Variants in RAB38 observed in about 807,000 individuals in gnomAD.
RAB38 encodes the protein ras-related protein Rab-38.
In RAB38, 15 loss-of-function variants were observed where a neutral mutation model predicts 18.4. The ratio of observed to expected loss-of-function variants is 0.82; its 90% confidence interval spans 0.55 to 1.26. The LOEUF (loss-of-function observed/expected upper bound fraction) is 1.26, where lower values mean the gene tolerates loss of function less well. Among genes scored for constraint, RAB38 ranks in the 50% most tolerant of loss-of-function variants. The probability of loss-of-function intolerance (pLI) is 0.00; values close to 1 mark genes in which losing one functional copy is unlikely to be tolerated. For missense variants in RAB38, 294 were observed against 267.4 expected (o/e 1.10, Z -0.69); for synonymous variants, 101 against 104.4 (o/e 0.97, Z 0.20).
At chr11:87,926,274 C>A in the RAB38 span, among the ~76,000 whole-genome samples, 1 of 151,852 alleles carries the variant, frequency 6.6e-6, no homozygotes, top group Non-Finnish European at 1.5e-5. Flanking sequence ...ACCTATGTTC[C>A]TGACTGAATT....
Position 88,113,636 on chromosome 11 carries a change from A to G in RAB38, c.*352T>C. On this transcript the variant is annotated 3_prime_UTR_variant, in exon 3 of 3. Transcript: ENST00000243662. ...AGGGCAAGGTGAAAGCCAGTCCTTG[A>G]CTTGACAGCTAGTTTGTTCTTCTCC... 1 of 196,958 alleles carries G rather than the reference A, an allele frequency of 5.1e-6. No individual in the cohort carries two copies. The allele number at this position is 196,958 out of a possible 1,614,324, so 12.2% of individuals were successfully genotyped here. A position where few individuals can be genotyped will look rare whatever the true frequency, so the allele number is the denominator to read the frequency against.
chr11:87,927,816 C>T, the RAB38 span, among the ~76,000 whole-genome samples: 3 of 152,116 alleles, frequency 2.0e-5, no homozygotes, highest in East Asian at 1.9e-4. Flanking sequence ...CCTATAATCC[C>T]AGCACTTTAG....
intron 2 of RAB38, among the ~76,000 whole-genome samples, chr11:88,140,933 G>A (rs899145115): frequency 6.6e-6 from 1 of 152,116 alleles, no homozygotes; most frequent in African/African-American, 2.4e-5. Flanking sequence ...GATATGTTGG[G>A]TTTGAGGAGT....
intron 1 of RAB38, among the ~76,000 whole-genome samples, chr11:88,150,985 A>G (rs1016721884): frequency 1.3e-5 from 2 of 152,144 alleles, no homozygotes; most frequent in African/African-American, 4.8e-5. Context: ...TCTACAACCT[A>G]TTGGATAAGA....
the RAB38 span, among the ~76,000 whole-genome samples, chr11:87,885,066 A>G: frequency 1.3e-5 from 2 of 152,116 alleles, no homozygotes; most frequent in African/African-American, 4.8e-5. Context: ...TGTGTTTTCA[A>G]AATTTCTTCA....
the RAB38 span, among the ~76,000 whole-genome samples, chr11:87,974,756 T>G: frequency 6.6e-6 from 1 of 151,436 alleles, no homozygotes; most frequent in Non-Finnish European, 1.5e-5. Flanking sequence ...AGAGGGATTA[T>G]TATATAAATT....
the RAB38 span, among the ~76,000 whole-genome samples, chr11:87,971,282 A>T: frequency 6.6e-6 from 1 of 152,136 alleles, no homozygotes; most frequent in South Asian, 2.1e-4. Flanking sequence ...GAGCAGTCCC[A>T]GAATGCTGAA....
At chr11:87,867,216 C>G in the RAB38 span, among the ~76,000 whole-genome samples, 1 of 151,804 alleles carries the variant, frequency 6.6e-6, no homozygotes, top group South Asian at 2.1e-4. Flanking sequence ...GATAATACCT[C>G]TCAGGGTAAA....
the RAB38 span, among the ~76,000 whole-genome samples, chr11:88,015,416 C>T: frequency 1.3e-5 from 2 of 152,186 alleles, no homozygotes; most frequent in South Asian, 4.2e-4. Flanking sequence ...GGCAAGTTTT[C>T]TGAATCTGTC....
intron 2 of RAB38, among the ~76,000 whole-genome samples, chr11:88,132,129 A>G (rs1398129946): frequency 2.6e-5 from 4 of 152,184 alleles, no homozygotes; most frequent in Admixed American, 2.6e-4. Context: ...GACCCAACCA[A>G]CCTGTGCTAG....
At chr11:87,967,073 G>A in the RAB38 span, among the ~76,000 whole-genome samples, 5 of 152,196 alleles carry the variant, frequency 3.3e-5, no homozygotes, top group African/African-American at 9.7e-5. Context: ...AGGAAATAAT[G>A]AAGGCAGTCA....
the RAB38 span, among the ~76,000 whole-genome samples, chr11:87,853,325 G>A: frequency 6.6e-6 from 1 of 152,172 alleles, no homozygotes; most frequent in Non-Finnish European, 1.5e-5. Context: ...TCATGAGGGT[G>A]AGGCCTCCAT....
At chr11:88,022,885 T>G in the RAB38 span, among the ~76,000 whole-genome samples, 1 of 152,254 alleles carries the variant, frequency 6.6e-6, no homozygotes, top group South Asian at 2.1e-4. Context: ...TACAATGATT[T>G]ATATTTTGGG....
the RAB38 span, among the ~76,000 whole-genome samples, chr11:87,885,053 A>C: frequency 2.0e-5 from 3 of 151,980 alleles, no homozygotes; most frequent in East Asian, 5.9e-4. Context: ...ATCTGCAGGC[A>C]AGTGTGTTTT....
chr11:88,066,185 G>A, the RAB38 span, among the ~76,000 whole-genome samples: 2 of 152,206 alleles, frequency 1.3e-5, no homozygotes, highest in African/African-American at 4.8e-5. Context: ...ACTCCTTGGT[G>A]GTTCATTGCA....
the RAB38 span, among the ~76,000 whole-genome samples, chr11:88,022,914 A>C: frequency 3.3e-5 from 5 of 152,122 alleles, no homozygotes; most frequent in Non-Finnish European, 5.9e-5. Flanking sequence ...AAAAACAAAT[A>C]CTTCATGTCC....
the RAB38 span, among the ~76,000 whole-genome samples, chr11:88,073,999 CATACTT>C: frequency 3.4e-5 from 5 of 147,096 alleles, no homozygotes; most frequent in African/African-American, 1.3e-4. Flanking sequence ...GAAAAAAAAA[CATACTT>C]AAAAGAAATG....
At chr11:87,827,542 A>G in the RAB38 span, among the ~76,000 whole-genome samples, 1 of 152,170 alleles carries the variant, frequency 6.6e-6, no homozygotes, top group Admixed American at 6.6e-5. Flanking sequence ...TACTGAACCT[A>G]GACTGAAAAT....
At chr11:87,846,472 C>T in the RAB38 span, among the ~76,000 whole-genome samples, 13 of 151,842 alleles carry the variant, frequency 8.6e-5, no homozygotes, top group African/African-American at 2.4e-4. Flanking sequence ...AGAAAATAAG[C>T]TTTAAGAAAA....
Sources: allele counts gnomAD v4.1 joint callset (sites outside exome capture counted in the v4.1 genomes callset), GRCh38; gene constraint gnomAD v4.1.1; transcripts MANE v1.5; gene names NCBI Gene and HGNC (gene_info 2026-07-23, HGNC 2026-07-21).